Variants in PDE3A observed in about 807,000 individuals in gnomAD.
PDE3A encodes cGMP-inhibited 3',5'-cyclic phosphodiesterase 3A.
PDE3A carries 43 observed loss-of-function variants against 98.3 expected under a neutral mutation model. That is an observed-to-expected ratio of 0.44 (90% confidence interval 0.34 to 0.56). The LOEUF (loss-of-function observed/expected upper bound fraction) is 0.56. Among genes scored for constraint, PDE3A ranks in the 20% least tolerant of loss-of-function variants. The pLI is 0.01. For missense variants in PDE3A, 1,427 were observed against 1,440.7 expected, an observed-to-expected ratio of 0.99 and a Z score of 0.15; for synonymous variants, 663 against 567.9, an observed-to-expected ratio of 1.17 and a Z score of -2.38.
intron 15 of PDE3A, among the ~76,000 whole-genome samples, chr12:20,655,571 A>G (rs1565465281): frequency 6.6e-6 from 1 of 152,202 alleles, no homozygotes; most frequent in Non-Finnish European, 1.5e-5. Context: ...ACTAAAAACC[A>G]TGGTTTCAGG....
intron 1 of PDE3A, among the ~76,000 whole-genome samples, chr12:20,486,210 A>C (rs1945724319): frequency 6.6e-6 from 1 of 152,190 alleles, no homozygotes; most frequent in Non-Finnish European, 1.5e-5. Flanking sequence ...TCACAGTTCT[A>C]CATGGCTGGG....
At chr12:20,490,903 G>T (rs1406686320) in intron 1 of PDE3A, among the ~76,000 whole-genome samples, 1 of 152,014 alleles carries the variant, frequency 6.6e-6, no homozygotes, top group Non-Finnish European at 1.5e-5. Flanking sequence ...CGGGGAGTTT[G>T]AGACCAGTCT....
At chr12:20,655,647 C>T (rs1226878811) in intron 15 of PDE3A, among the ~76,000 whole-genome samples, 1 of 152,152 alleles carries the variant, frequency 6.6e-6, no homozygotes, top group African/African-American at 2.4e-5. Context: ...CCTGGACAAG[C>T]TTGGAAGGTG....
intron 1 of PDE3A, among the ~76,000 whole-genome samples, chr12:20,439,723 T>C (rs1944837633): frequency 6.6e-6 from 1 of 152,170 alleles, no homozygotes. Context: ...ACAAGTTTAT[T>C]ATATTGTTTG....
At chr12:20,435,884 C>T (rs1005274979) in intron 1 of PDE3A, among the ~76,000 whole-genome samples, 5 of 152,240 alleles carry the variant, frequency 3.3e-5, no homozygotes, top group African/African-American at 9.6e-5. Flanking sequence ...GGACTTTGTT[C>T]TCCCCATCCC....
intron 1 of PDE3A, among the ~76,000 whole-genome samples, chr12:20,498,770 A>C (rs1369403756): frequency 6.6e-6 from 1 of 152,174 alleles, no homozygotes; most frequent in Non-Finnish European, 1.5e-5. Context: ...AACCTATAAA[A>C]TTGAACATTT....
chr12:20,407,655 A>G (rs1944257339), intron 1 of PDE3A, among the ~76,000 whole-genome samples: 1 of 152,196 alleles, frequency 6.6e-6, no homozygotes, highest in African/African-American at 2.4e-5. Flanking sequence ...TCCTTCCAAT[A>G]CAAAGATTTT....
intron 15 of PDE3A, among the ~76,000 whole-genome samples, chr12:20,663,211 T>C (rs918979060): frequency 1.8e-4 from 28 of 152,222 alleles, no homozygotes; most frequent in African/African-American, 6.3e-4. Flanking sequence ...CTGGATGTCC[T>C]GGCAGAAGTT....
intron 1 of PDE3A, among the ~76,000 whole-genome samples, chr12:20,538,410 A>G (rs906386725): frequency 6.6e-6 from 1 of 152,216 alleles, no homozygotes; most frequent in South Asian, 2.1e-4. Context: ...TCCCCTTTTT[A>G]AAGACTTTCC....
At chr12:20,657,065 T>A (rs111800369) in intron 15 of PDE3A, among the ~76,000 whole-genome samples, 2,993 of 152,286 alleles carry the variant, frequency 0.02, 55 homozygotes, top group Non-Finnish European at 0.028. Context: ...AAATATCCCA[T>A]CCACAATGAT....
At chr12:20,389,847 C>T (rs1943881278) in intron 1 of PDE3A, among the ~76,000 whole-genome samples, 1 of 151,746 alleles carries the variant, frequency 6.6e-6, no homozygotes, top group South Asian at 2.1e-4. Context: ...TCTGACTTTT[C>T]CTTTTGATTT....
At chr12:20,481,707 A>T (rs1945628496) in intron 1 of PDE3A, among the ~76,000 whole-genome samples, 1 of 150,120 alleles carries the variant, frequency 6.7e-6, no homozygotes, top group African/African-American at 2.5e-5. Context: ...CAAACTCTAC[A>T]GATTTTCGGC....
chr12:20,631,654 G>A (rs1486481932), intron 6 of PDE3A, among the ~76,000 whole-genome samples: 1 of 149,440 alleles, frequency 6.7e-6, no homozygotes, highest in East Asian at 2.0e-4. Flanking sequence ...GGAGAGAGAT[G>A]TTCAGAAAAG....
At position 20,638,739 on chromosome 12, in the gene PDE3A, A is replaced by AT. The variant is rs200350533; in HGVS notation, c.2140-1100dup. Reference sequence around the variant, plus strand: ...AGGAAGCATTTTCTCTCTTGATTTTATTTTTTTGCTAGGGAGTGTGTTCCC... The same window carrying AT: ...AGGAAGCATTTTCTCTCTTGATTTTATTTTTTTTGCTAGGGAGTGTGTTCCC... On this transcript the variant is annotated intron_variant, in intron 9 of 15. Coordinates refer to ENST00000359062, the MANE Select transcript of PDE3A (RefSeq NM_000921.5). 5.3e-5 allele frequency among the ~76,000 whole-genome samples: 8 copies of AT among 152,002 alleles called. No homozygotes were observed. The East Asian group carries it at 1.6e-3, about 29-fold the overall frequency.
rs377119530 is a variant in PDE3A, at chr12:20,566,710, T to C, written c.1011+10000T>C. ...AGAAGTTGTCTATCAAAGATGATGA[T>C]TGGAAAATATAGAAAAGACCATCTC... On this transcript the variant is annotated intron_variant, in intron 2 of 15. Coordinates refer to ENST00000359062, the MANE Select transcript of PDE3A (RefSeq NM_000921.5). 3.3e-5 allele frequency among the ~76,000 whole-genome samples: 5 copies of C among 151,966 alleles called. No homozygotes were observed. The East Asian group carries it at 9.7e-4, about 29-fold the overall frequency.
At position 20,687,011 on chromosome 12, in the gene PDE3A, T is replaced by C. The variant is rs942088616; in HGVS notation, c.*6740T>C. On this transcript the variant is annotated 3_prime_UTR_variant, in exon 16 of 16. Transcript: ENST00000359062. ...CTTCCTTTATGACAAGGAGCACTTA[T>C]ACATGTTTCCAAATGTGAATTAGCC... Among the ~76,000 whole-genome samples, 2 of 152,132 alleles carry C rather than the reference T, an allele frequency of 1.3e-5. No homozygotes were observed. The highest frequency in any genetic ancestry group is 4.8e-5 in the African/African-American group (2 of 41,450).
At chr12:20,380,822 TGA>T (rs1943651205) in intron 1 of PDE3A, among the ~76,000 whole-genome samples, 1 of 151,846 alleles carries the variant, frequency 6.6e-6, no homozygotes, top group African/African-American at 2.4e-5. Flanking sequence ...TATTACAAAC[TGA>T]GACATTCACT....
Position 20,369,884 on chromosome 12 carries a change from C to G in PDE3A, c.600C>G (p.Ala200=). The part of the protein sequence containing the change: ...AAGVVLSCLA[A]ATWLVLRLRL... ...GGGTGGTGCTCAGCTGCTTGGCCGC[C>G]GCGACATGGCTGGTGCTGAGGCTGA... Residue 200 remains alanine (A), a synonymous_variant, in exon 1 of 16, where the codon GCC becomes GCG. Transcript: ENST00000359062. 1.2e-6 allele frequency: 2 copies of G among 1,613,210 alleles called. No individual in the cohort carries two copies. The highest frequency in any genetic ancestry group is 1.7e-6 in the Non-Finnish European group (2 of 1,179,776).
intron 1 of PDE3A, among the ~76,000 whole-genome samples, chr12:20,481,661 C>G (rs889404349): frequency 2.0e-5 from 3 of 151,570 alleles, no homozygotes; most frequent in African/African-American, 7.3e-5. Flanking sequence ...GACATGAATC[C>G]CATTTATTGC....
Sources: allele counts gnomAD v4.1 joint callset (sites outside exome capture counted in the v4.1 genomes callset), GRCh38; gene constraint gnomAD v4.1.1; transcripts MANE v1.5; gene names NCBI Gene and HGNC (gene_info 2026-07-23, HGNC 2026-07-21).